Variants in VRK2 observed in about 807,000 individuals in gnomAD.
VRK2 encodes the protein VRK serine/threonine kinase 2.
VRK2 carries 60 observed loss-of-function variants against 57.6 expected under a neutral mutation model. The observed-to-expected ratio is 1.04, with a 90% confidence interval of 0.85 to 1.29. The LOEUF is 1.29. Among genes scored for constraint, VRK2 ranks in the 50% most tolerant of loss-of-function variants. VRK2 has a pLI of 0.00. For synonymous variants in VRK2, 231 were observed against 199.2 expected (o/e 1.16, Z -1.35); for missense variants, 705 against 588.1 (o/e 1.20, Z -2.06).
chr2:58,087,301 CAG>C (rs956060178), intron 5 of VRK2, among the ~76,000 whole-genome samples: 1 of 152,014 alleles, frequency 6.6e-6, no homozygotes, highest in African/African-American at 2.4e-5. Context: ...AATGAGCAAA[CAG>C]TAATCTTGAA....
chr2:58,085,547 G>A (rs1202942283), intron 4 of VRK2, among the ~76,000 whole-genome samples: 2 of 151,784 alleles, frequency 1.3e-5, no homozygotes, highest in Non-Finnish European at 2.9e-5. Flanking sequence ...GATATAGATG[G>A]GCTAAGAAAA....
At position 57,979,534 on chromosome 2, in the gene VRK2, G is replaced by A. The variant is rs370261694; in HGVS notation, c.-438-46131G>A. Among the ~76,000 whole-genome samples, 52 of 146,344 alleles carry A rather than the reference G, an allele frequency of 3.6e-4. 1 individual carries two copies. The South Asian group carries it at 0.01, about 29-fold the overall frequency. ...ATGTGTCTCTGCCAGGTTTGGTATT[G>A]GAATGATGTTGGCCTCATAGAATTA... On this transcript the variant is annotated intron_variant, in intron 1 of 15. Transcript: ENST00000417641.
chr2:58,041,257 G>T (rs916665048), intron 3 of VRK2, among the ~76,000 whole-genome samples: 2 of 152,066 alleles, frequency 1.3e-5, no homozygotes, highest in Non-Finnish European at 2.9e-5. Context: ...TGGCAGCAGG[G>T]TTCTACAAAT....
At chr2:58,065,962 T>G (rs1313916253) in intron 2 of VRK2, among the ~76,000 whole-genome samples, 2 of 152,180 alleles carry the variant, frequency 1.3e-5, no homozygotes, top group Non-Finnish European at 2.9e-5. Flanking sequence ...TGACCTTACA[T>G]GCTATGAATT....
chr2:58,011,459 T>C (rs17049298), intron 1 of VRK2, among the ~76,000 whole-genome samples: 17,088 of 152,222 alleles, frequency 0.11, 1,233 homozygotes, highest in African/African-American at 0.19. Flanking sequence ...CAGAAGACAC[T>C]TGAACTGGAA....
rs186318648 is a variant in VRK2, at chr2:58,103,614, C to T, written c.543+13891C>T. Among the ~76,000 whole-genome samples, 91 of 151,440 alleles carry T rather than the reference C, an allele frequency of 6.0e-4. 1 individual carries two copies. In the East Asian group the frequency reaches 0.016, roughly 27 times the overall value. ...AGAATCGGTAATAGAAAAATCTTAA[C>T]AAACAAAAAAAGCCAGTAACCAAAT... On this transcript the variant is annotated intron_variant, in intron 7 of 12. Transcript: ENST00000340157.
chr2:58,093,252 A>G (rs926361301), intron 7 of VRK2, among the ~76,000 whole-genome samples: 3 of 152,166 alleles, frequency 2.0e-5, no homozygotes, highest in African/African-American at 4.8e-5. Context: ...GACTTCCACA[A>G]TGGTTGAACT....
chr2:58,010,973 T>C (rs1673400766), intron 1 of VRK2, among the ~76,000 whole-genome samples: 2 of 152,226 alleles, frequency 1.3e-5, no homozygotes, highest in African/African-American at 4.8e-5. Context: ...ACTGTGACTC[T>C]ACAAGTGTTC....
chr2:57,944,907 C>CA (rs1363267436), intron 1 of VRK2, among the ~76,000 whole-genome samples: 1 of 151,954 alleles, frequency 6.6e-6, no homozygotes, highest in African/African-American at 2.4e-5. Flanking sequence ...AGGTGCAGTG[C>CA]AAAGTGTTTT....
intron 1 of VRK2, among the ~76,000 whole-genome samples, chr2:57,913,856 T>C (rs1670066589): frequency 6.6e-6 from 1 of 152,074 alleles, no homozygotes; most frequent in South Asian, 2.1e-4. Context: ...TACTTTTTAA[T>C]GGGGCTTAAT....
chr2:58,137,073 A>G lies in VRK2; in HGVS notation c.856+1874A>G, dbSNP rs76073481. On this transcript the variant is annotated intron_variant, in intron 10 of 12. Transcript: ENST00000340157. ...TATATGTGTATATATCATATATCAT[A>G]TATAACATATATATGTGTATATATC... Among the ~76,000 whole-genome samples the G allele has an allele frequency of 2.7e-5, 3 of 112,088 alleles. No individual in the cohort carries two copies. In the Admixed American group the frequency reaches 3.0e-4, roughly 11 times the overall value. 73.5% of individuals were successfully genotyped at this position (112,088 alleles called of 152,430 possible).
chr2:57,958,516 T>C (rs902135282), intron 1 of VRK2, among the ~76,000 whole-genome samples: 9 of 151,826 alleles, frequency 5.9e-5, no homozygotes, highest in African/African-American at 1.9e-4. Flanking sequence ...ATATATCACA[T>C]ATATATGATT....
At chr2:58,030,708 G>C (rs1248184282) in intron 2 of VRK2, among the ~76,000 whole-genome samples, 1 of 152,008 alleles carries the variant, frequency 6.6e-6, no homozygotes, top group African/African-American at 2.4e-5. Context: ...TCTTAAGTCT[G>C]GGTGGGCTTG....
intron 2 of VRK2, among the ~76,000 whole-genome samples, chr2:58,075,426 T>C (rs1484001421): frequency 6.6e-6 from 1 of 152,114 alleles, no homozygotes; most frequent in Non-Finnish European, 1.5e-5. Context: ...CTGGGTTGAA[T>C]AGTATTTCTA....
intron 2 of VRK2, among the ~76,000 whole-genome samples, chr2:58,059,537 A>G (rs1212357856): frequency 6.6e-6 from 1 of 151,888 alleles, no homozygotes; most frequent in Non-Finnish European, 1.5e-5. Context: ...ACAAACAGAA[A>G]ATACTTAAGA....
chr2:57,937,510 A>T (rs898706887), intron 1 of VRK2, among the ~76,000 whole-genome samples: 1 of 152,216 alleles, frequency 6.6e-6, no homozygotes, highest in Non-Finnish European at 1.5e-5. Context: ...TCTACTTTAC[A>T]TATTTTGAAT....
chr2:57,940,176 A>G (rs1251986714), intron 1 of VRK2, among the ~76,000 whole-genome samples: 1 of 152,158 alleles, frequency 6.6e-6, no homozygotes, highest in Non-Finnish European at 1.5e-5. Flanking sequence ...GCTAAGTCCC[A>G]TGATCTGCTA....
intron 1 of VRK2, among the ~76,000 whole-genome samples, chr2:57,908,306 A>T (rs1307043468): frequency 1.3e-5 from 2 of 152,082 alleles, no homozygotes; most frequent in Non-Finnish European, 2.9e-5. Flanking sequence ...TTTGCCACCC[A>T]TTATTTTCTA....
chr2:58,034,961 G>T lies in VRK2; in HGVS notation c.-6+1408G>T, dbSNP rs373431531. On this transcript the variant is annotated intron_variant, in intron 3 of 15. Coordinates refer to the VRK2 transcript ENST00000417641. ...CAAACGTTTTAGTCAACATAAATGA[G>T]GCTGTGCTCCTGATGACATGATGCC... Among the ~76,000 whole-genome samples, 48 of 152,056 alleles carry T rather than the reference G, an allele frequency of 3.2e-4. No individual in the cohort carries two copies. In the South Asian group the frequency reaches 9.3e-3, roughly 30 times the overall value.
Sources: allele counts gnomAD v4.1 joint callset (sites outside exome capture counted in the v4.1 genomes callset), GRCh38; gene constraint gnomAD v4.1.1; transcripts MANE v1.5; gene names NCBI Gene and HGNC (gene_info 2026-07-23, HGNC 2026-07-21).